The following FRMD4A variants were observed in gnomAD, a reference collection of about 807,000 sequenced individuals.
The protein encoded by FRMD4A is FERM domain containing 4A.
FRMD4A carries 29 observed loss-of-function variants against 129.1 expected under a neutral mutation model. That is an observed-to-expected ratio of 0.22 (90% CI 0.17 to 0.31). FRMD4A has a LOEUF of 0.31. FRMD4A is among the 10% of genes least tolerant of loss of function. The pLI is 1.00. For synonymous variants in FRMD4A, 634 were observed against 571.6 expected (o/e 1.11, Z -1.56); for missense variants, 1,272 against 1,375.8 (o/e 0.92, Z 1.19).
At chr10:14,133,296 T>C (rs1008329103) in intron 2 of FRMD4A, among the ~76,000 whole-genome samples, 2 of 152,158 alleles carry the variant, frequency 1.3e-5, no homozygotes, top group African/African-American at 2.4e-5. Flanking sequence ...ATCAAGTAAA[T>C]AATGAAACAG....
At chr10:13,790,380 G>C (rs2130806226) in intron 5 of FRMD4A, among the ~76,000 whole-genome samples, 1 of 152,326 alleles carries the variant, frequency 6.6e-6, no homozygotes, top group Non-Finnish European at 1.5e-5. Flanking sequence ...GCAGAGGACG[G>C]AGAGTCTCCA....
chr10:14,231,654 T>C (rs1004707661), intron 2 of FRMD4A, among the ~76,000 whole-genome samples: 5 of 152,220 alleles, frequency 3.3e-5, no homozygotes, highest in Non-Finnish European at 7.3e-5. Flanking sequence ...CCTCTCATTG[T>C]GGTTTTGACT....
intron 2 of FRMD4A, among the ~76,000 whole-genome samples, chr10:14,208,543 C>T (rs1399224282): frequency 6.6e-6 from 1 of 152,110 alleles, no homozygotes; most frequent in Non-Finnish European, 1.5e-5. Flanking sequence ...GAGGAGGGGA[C>T]TCTGCGAACC....
At chr10:14,226,884 A>G (rs1426800177) in intron 2 of FRMD4A, among the ~76,000 whole-genome samples, 1 of 152,048 alleles carries the variant, frequency 6.6e-6, no homozygotes, top group African/African-American at 2.4e-5. Flanking sequence ...CCAAGACCCC[A>G]ATCGACTCTT....
rs142841195 is a variant in FRMD4A, at chr10:14,247,745, G to T, written c.45+82313C>A. On this transcript the variant is annotated intron_variant, in intron 2 of 24. Coordinates refer to ENST00000357447, the MANE Select transcript of FRMD4A (RefSeq NM_018027.5). ...GAAGGCCTTACGGGGCACAGGACCC[G>T]CTCTGATTGTTGGAAGTCTCAGCCT... Among the ~76,000 whole-genome samples the T allele has an allele frequency of 2.7e-3, 416 of 152,302 alleles. 1 individual carries two copies. The highest frequency in any genetic ancestry group is 9.0e-3 in the African/African-American group (375 of 41,552).
intron 13 of FRMD4A, among the ~76,000 whole-genome samples, chr10:13,701,938 A>C (rs1352348280): frequency 2.0e-5 from 3 of 152,188 alleles, no homozygotes; most frequent in Non-Finnish European, 2.9e-5. Context: ...TTCTTATATA[A>C]CTAACCCAAT....
At chr10:13,830,401 A>C (rs2093771399) in intron 3 of FRMD4A, among the ~76,000 whole-genome samples, 1 of 152,248 alleles carries the variant, frequency 6.6e-6, no homozygotes, top group African/African-American at 2.4e-5. Context: ...GTGAAAAAAC[A>C]GCAAGCATGC....
At chr10:14,298,708 C>T (rs573299495) in intron 2 of FRMD4A, among the ~76,000 whole-genome samples, 12 of 152,296 alleles carry the variant, frequency 7.9e-5, no homozygotes, top group Admixed American at 5.2e-4. Context: ...GATCTGTGTT[C>T]GTGGCCTTTC....
chr10:13,706,893 G>C (rs771006179), intron 13 of FRMD4A, 144 bp downstream of exon 13: 10 of 600,644 alleles, frequency 1.7e-5, no homozygotes, highest in Non-Finnish European at 3.0e-5. Flanking sequence ...TTCACTGTCT[G>C]ATTTGAGCTC....
chr10:13,800,144 T>C (rs1438203928), intron 4 of FRMD4A, among the ~76,000 whole-genome samples: 22 of 152,184 alleles, frequency 1.4e-4, no homozygotes. Context: ...ATGGCACTAC[T>C]GCACTCCAGC....
chr10:14,189,040 T>G (rs1842235684), intron 2 of FRMD4A, among the ~76,000 whole-genome samples: 2 of 152,212 alleles, frequency 1.3e-5, no homozygotes, highest in Non-Finnish European at 2.9e-5. Flanking sequence ...CTGTTATCTT[T>G]TAACCCTGAT....
Position 14,037,249 on chromosome 10 carries a change from T to C in FRMD4A, c.46-178337A>G, listed in dbSNP as rs554963727. ...GGATCTGGAATATTTCCTTTTTCTT[T>C]ACTTTTTTTGAAACAGTCTCGTTCT... On this transcript the variant is annotated intron_variant, in intron 2 of 24. Transcript: ENST00000357447. Among the ~76,000 whole-genome samples, 8 of 152,382 alleles carry C rather than the reference T, an allele frequency of 5.2e-5. 1 individual carries two copies. The highest frequency in any genetic ancestry group is 9.6e-5 in the African/African-American group (4 of 41,594).
intron 5 of FRMD4A, among the ~76,000 whole-genome samples, chr10:13,789,531 G>A (rs1209148678): frequency 6.7e-6 from 1 of 150,012 alleles, no homozygotes; most frequent in Non-Finnish European, 1.5e-5. Context: ...GCTTCATTCT[G>A]AGCACAAAGT....
intron 2 of FRMD4A, among the ~76,000 whole-genome samples, chr10:14,030,903 C>T (rs959140119): frequency 1.3e-5 from 2 of 152,200 alleles, no homozygotes; most frequent in South Asian, 2.1e-4. Context: ...CCAGCCCCAC[C>T]GCAGTCCCTG....
At chr10:13,767,387 C>A (rs74485859) in intron 6 of FRMD4A, among the ~76,000 whole-genome samples, 1 of 152,196 alleles carries the variant, frequency 6.6e-6, no homozygotes, top group Non-Finnish European at 1.5e-5. Flanking sequence ...TACAGGTGTG[C>A]GTCACCATGC....
intron 2 of FRMD4A, among the ~76,000 whole-genome samples, chr10:13,917,259 G>T (rs542397290): frequency 2.9e-4 from 44 of 150,888 alleles, no homozygotes; most frequent in Non-Finnish European, 4.7e-4. Context: ...TCTTCTATCT[G>T]GTTCTATCTT....
intron 3 of FRMD4A, among the ~76,000 whole-genome samples, chr10:13,820,898 G>A (rs1192197698): frequency 6.6e-6 from 1 of 152,252 alleles, no homozygotes; most frequent in East Asian, 1.9e-4. Context: ...GGGAGTGACT[G>A]TGAAACGTGG....
chr10:14,318,642 A>G (rs779350448), intron 2 of FRMD4A, among the ~76,000 whole-genome samples: 1 of 151,886 alleles, frequency 6.6e-6, no homozygotes. Flanking sequence ...ACTCCTTCAG[A>G]TATCAACCTA....
intron 2 of FRMD4A, among the ~76,000 whole-genome samples, chr10:14,272,328 C>T (rs1053898467): frequency 1.6e-4 from 24 of 152,184 alleles, no homozygotes; most frequent in Admixed American, 1.5e-3. Flanking sequence ...TCACATGACC[C>T]TAACCTGCAT....
Sources: allele counts gnomAD v4.1 joint callset (sites outside exome capture counted in the v4.1 genomes callset), GRCh38; gene constraint gnomAD v4.1.1; transcripts MANE v1.5; gene names NCBI Gene and HGNC (gene_info 2026-07-23, HGNC 2026-07-21).